NLGN4X: variants seen among roughly 807,000 people sequenced by gnomAD.
NLGN4X encodes neuroligin 4 X-linked.
A neutral mutation model predicts 40.3 loss-of-function variants in NLGN4X; 3 were observed. The observed-to-expected ratio is 0.07, with a 90% CI of 0.03 to 0.19. The LOEUF (loss-of-function observed/expected upper bound fraction) is 0.19, where lower values mean the gene tolerates loss of function less well. Among genes scored for constraint, NLGN4X ranks in the 10% least tolerant of loss-of-function variants. NLGN4X has a pLI of 1.00. For missense variants in NLGN4X, 382 were observed against 708.3 expected (o/e 0.54, Z 5.23); for synonymous variants, 270 against 306.8 (o/e 0.88, Z 1.25).
intron 1 of NLGN4X, among the ~76,000 whole-genome samples, chrX:6,167,530 G>A (rs1005563010): frequency 8.9e-6 from 1 of 112,105 alleles, no homozygotes; most frequent in Admixed American, 9.5e-5. Flanking sequence ...GTTTTCATCT[G>A]AATTCCCACA....
intron 3 of NLGN4X, among the ~76,000 whole-genome samples, chrX:5,929,706 T>G (rs753152164): frequency 1.8e-5 from 2 of 112,193 alleles, no homozygotes; most frequent in South Asian, 7.5e-4. Context: ...CTTCCTATCT[T>G]AGTTTCATGG....
chrX:5,938,480 G>A (rs1482076975), intron 3 of NLGN4X, among the ~76,000 whole-genome samples: 1 of 111,125 alleles, frequency 9.0e-6, no homozygotes, highest in Non-Finnish European at 1.9e-5. Context: ...GTTAGATTAG[G>A]TGTTCGGTTG....
At chrX:6,090,853 C>T (rs907551750) in intron 2 of NLGN4X, among the ~76,000 whole-genome samples, 2 of 103,212 alleles carry the variant, frequency 1.9e-5, no homozygotes, top group Non-Finnish European at 3.8e-5. Context: ...TGCTGCTAAA[C>T]TAAACCTCCT....
chrX:6,155,153 A>G (rs944976502), intron 1 of NLGN4X, among the ~76,000 whole-genome samples: 5 of 111,187 alleles, frequency 4.5e-5, no homozygotes, highest in African/African-American at 6.5e-5. Context: ...AAAAAAAAAT[A>G]GGATAACTGA....
intron 2 of NLGN4X, among the ~76,000 whole-genome samples, chrX:6,089,600 G>A (rs745719351): frequency 5.3e-5 from 6 of 112,300 alleles, no homozygotes; most frequent in South Asian, 3.7e-4. Context: ...GAGAGAAGTC[G>A]GTAAAGTTAG....
At chrX:6,082,303 A>G (rs939170424) in intron 2 of NLGN4X, among the ~76,000 whole-genome samples, 2 of 111,080 alleles carry the variant, frequency 1.8e-5, no homozygotes, top group African/African-American at 3.3e-5. Context: ...TAGAAGGCTG[A>G]CGCAGGTGGA....
At chrX:6,214,475 G>A (rs1032973608) in intron 1 of NLGN4X, among the ~76,000 whole-genome samples, 1 of 111,693 alleles carries the variant, frequency 9.0e-6, no homozygotes, top group Non-Finnish European at 1.9e-5. Flanking sequence ...GAGGGTCGTG[G>A]AGCCTCTTTG....
intron 4 of NLGN4X, among the ~76,000 whole-genome samples, chrX:5,908,729 G>A (rs1486146115): frequency 1.8e-5 from 2 of 111,565 alleles, no homozygotes; most frequent in Non-Finnish European, 3.8e-5. Context: ...GGCAAACATA[G>A]CAAGACCACT....
At chrX:6,063,280 G>C (rs2037817519) in intron 2 of NLGN4X, among the ~76,000 whole-genome samples, 1 of 111,806 alleles carries the variant, frequency 8.9e-6, no homozygotes, top group South Asian at 3.7e-4. Context: ...TTCCAGACCA[G>C]CTTGGGCAAC....
intron 3 of NLGN4X, among the ~76,000 whole-genome samples, chrX:5,931,841 T>A (rs928394546): frequency 1.3e-4 from 15 of 111,688 alleles, no homozygotes; most frequent in Non-Finnish European, 7.5e-5. Flanking sequence ...CATGTATATA[T>A]GGTGAATGGG....
chrX:6,046,963 A>G (rs1266013272), intron 2 of NLGN4X, among the ~76,000 whole-genome samples: 1 of 108,118 alleles, frequency 9.2e-6, no homozygotes, highest in Non-Finnish European at 1.9e-5. Flanking sequence ...ACTAATGCTT[A>G]CATTATATAT....
intron 2 of NLGN4X, among the ~76,000 whole-genome samples, chrX:6,145,121 G>T (rs754664709): frequency 2.7e-5 from 3 of 111,451 alleles, no homozygotes; most frequent in Non-Finnish European, 3.8e-5. Context: ...CTTATGGTGA[G>T]AACTGTCCTT....
intron 1 of NLGN4X, among the ~76,000 whole-genome samples, chrX:6,206,535 C>T (rs898068368): frequency 4.5e-5 from 5 of 111,992 alleles, no homozygotes; most frequent in African/African-American, 1.6e-4. Context: ...CAGGAATATA[C>T]TCTCTCAAAG....
At chrX:5,897,322 G>A (rs2031548686) in intron 5 of NLGN4X, among the ~76,000 whole-genome samples, 1 of 111,530 alleles carries the variant, frequency 9.0e-6, no homozygotes, top group African/African-American at 3.3e-5. Context: ...CTGGATCACT[G>A]AGCACCTGAA....
intron 2 of NLGN4X, among the ~76,000 whole-genome samples, chrX:6,114,645 G>A (rs1255857522): frequency 9.1e-6 from 1 of 110,214 alleles, no homozygotes; most frequent in African/African-American, 3.3e-5. Flanking sequence ...TTTTAGTAAC[G>A]AAAATCAGAT....
At chrX:6,050,863 C>T (rs1023739288) in intron 2 of NLGN4X, among the ~76,000 whole-genome samples, 5 of 111,309 alleles carry the variant, frequency 4.5e-5, no homozygotes, top group African/African-American at 1.6e-4. Flanking sequence ...CTCCTGGTGA[C>T]CCCATCTTCT....
chrX:6,199,974 T>C (rs1923448073), intron 1 of NLGN4X, among the ~76,000 whole-genome samples: 1 of 112,132 alleles, frequency 8.9e-6, no homozygotes, highest in Non-Finnish European at 1.9e-5. Context: ...AAAGACATCC[T>C]TCCCTCAGTC....
At chrX:5,976,333 G>C (rs913859805) in intron 3 of NLGN4X, among the ~76,000 whole-genome samples, 4 of 112,115 alleles carry the variant, frequency 3.6e-5, no homozygotes, top group Non-Finnish European at 7.5e-5. Context: ...CAGAAGGCTA[G>C]GGAAGGGAAT....
intron 1 of NLGN4X, among the ~76,000 whole-genome samples, chrX:6,166,842 C>T (rs923681239): frequency 7.3e-5 from 8 of 110,339 alleles, no homozygotes; most frequent in African/African-American, 2.0e-4. Context: ...GAGGCTGAGG[C>T]GGGAGGATCA....
Sources: allele counts gnomAD v4.1 joint callset (sites outside exome capture counted in the v4.1 genomes callset), GRCh38; gene constraint gnomAD v4.1.1; transcripts MANE v1.5; gene names NCBI Gene and HGNC (gene_info 2026-07-23, HGNC 2026-07-21).